Variants in ZC3H6 observed in about 807,000 individuals in gnomAD.
ZC3H6 encodes zinc finger CCCH domain-containing protein 6.
A neutral mutation model predicts 107.7 loss-of-function variants in ZC3H6; 40 were observed. The ratio of observed to expected loss-of-function variants is 0.37; its 90% CI spans 0.29 to 0.48. The LOEUF (loss-of-function observed/expected upper bound fraction) is 0.48, where lower values mean the gene tolerates loss of function less well. ZC3H6 is among the 20% of genes least tolerant of loss of function. The probability of loss-of-function intolerance (pLI) is 0.98; values close to 1 mark genes in which losing one functional copy is unlikely to be tolerated. For missense variants in ZC3H6, 1,267 were observed against 1,410.4 expected, an observed-to-expected ratio of 0.90 and a Z score of 1.63; for synonymous variants, 493 against 487.9, an observed-to-expected ratio of 1.01 and a Z score of -0.14.
intron 1 of ZC3H6, among the ~76,000 whole-genome samples, chr2:112,276,948 T>C (rs999185940): frequency 6.6e-6 from 1 of 152,212 alleles, no homozygotes; most frequent in Non-Finnish European, 1.5e-5. Context: ...ATTACTCCTT[T>C]GTGAATAGAA....
rs1422397099 is a variant in ZC3H6, at chr2:112,332,219, C to G, written c.3301C>G (p.Pro1101Ala). The G allele has an allele frequency of 6.2e-7, 1 of 1,613,984 alleles. No homozygotes were observed. The highest frequency in any genetic ancestry group is 2.2e-5 in the East Asian group (1 of 44,880). Residue 1101 changes from proline (P) to alanine (A), a missense_variant, in exon 12 of 12, where the codon CCA becomes GCA. This residue lies in a region of ZC3H6 where 925 missense variants were observed against 1,025.7 expected (regional missense o/e 0.90). Transcript: ENST00000409871. ...AGCCATCCTTCCACAAAAACCCAGT[C>G]CAAACGTGGGAGTCACTCTTGAGGG... is the stretch of plus-strand genomic sequence containing the variant. ...GEAILPQKPSPNVGVTLEGPA... is the reference protein window; with the variant it reads ...GEAILPQKPSANVGVTLEGPA...
rs768325318 is a variant in ZC3H6 at position 112,322,743 on chromosome 2, C to T, written c.1181C>T (p.Pro394Leu). 1 of 1,613,706 alleles carries T rather than the reference C, an allele frequency of 6.2e-7. No homozygotes were observed. The highest frequency in any genetic ancestry group is 1.3e-5 in the African/African-American group (1 of 74,920). The stretch of plus-strand genomic sequence containing the variant: ...ATAACTCCTCTTCCCAAACCACCTC[C>T]AGGGGTTGGGCTTCTGCCAACCCCT... ...RGITPLPKPPPGVGLLPTPPE... is the reference protein window; with the variant it reads ...RGITPLPKPPLGVGLLPTPPE... The change falls in exon 9 of 12, where the codon CCA becomes CTA. Residue 394 changes from proline to leucine, a missense_variant. By Grantham distance (98) the Pro-to-Leu change is moderately conservative. Coordinates refer to ENST00000409871, the MANE Select transcript of ZC3H6 (RefSeq NM_198581.3).
intron 7 of ZC3H6, among the ~76,000 whole-genome samples, chr2:112,320,096 C>G (rs1676773622): frequency 6.6e-6 from 1 of 152,090 alleles, no homozygotes. Context: ...CCACGCCTGG[C>G]TAATTTTTGT....
At position 112,329,190 on chromosome 2, in the gene ZC3H6, A is replaced by T. The variant is rs189572861; in HGVS notation, c.2087-1815A>T. 2.0e-5 allele frequency among the ~76,000 whole-genome samples: 3 copies of T among 152,156 alleles called. No individual in the cohort carries two copies. The East Asian group carries it at 5.8e-4, about 29-fold the overall frequency. On this transcript the variant is annotated intron_variant, in intron 11 of 11. Coordinates refer to ENST00000409871, the MANE Select transcript of ZC3H6 (RefSeq NM_198581.3). ...TCTGCTTTGATAAAAGCTGCTAATT[A>T]TCATTTTTTATCTAATATCTGTTTT...
rs1259630874 is a variant in ZC3H6 at position 112,321,817 on chromosome 2, A to G, written c.1038A>G (p.Lys346=). The G allele has an allele frequency of 1.3e-6, 2 of 1,548,776 alleles. No homozygotes were observed. Among genetic ancestry groups the G allele is most frequent in the Non-Finnish European group, 1.7e-6 (2 of 1,146,236 alleles). Residue 346 remains lysine (K), a synonymous_variant, in exon 8 of 12, where the codon AAA becomes AAG. Transcript: ENST00000409871. ...AATGTTACCAGGGAGACAACTGTAAATTTTCCCATGATGATCTAACTAAAG... is the reference window on the plus strand; with the variant it reads ...AATGTTACCAGGGAGACAACTGTAAGTTTTCCCATGATGATCTAACTAAAG... ...GAKCYQGDNC[K]FSHDDLTKET... is the part of the protein sequence containing the mutation.
At chr2:112,294,190 G>C (rs1370867220) in intron 1 of ZC3H6, among the ~76,000 whole-genome samples, 1 of 152,218 alleles carries the variant, frequency 6.6e-6, no homozygotes, top group Non-Finnish European at 1.5e-5. Context: ...GCCTATCGTT[G>C]GGCTTACGTA....
intron 7 of ZC3H6, among the ~76,000 whole-genome samples, chr2:112,317,892 G>C (rs965971411): frequency 3.9e-5 from 6 of 151,984 alleles, no homozygotes; most frequent in African/African-American, 1.5e-4. Flanking sequence ...TATCTGTCAG[G>C]TTGCTCACTA....
chr2:112,308,398 A>ATTTT (rs1272024339), intron 3 of ZC3H6, among the ~76,000 whole-genome samples: 19 of 138,386 alleles, frequency 1.4e-4, no homozygotes, highest in African/African-American at 4.1e-4. Context: ...GTAGTATTTT[A>ATTTT]TTTTATTTTA....
intron 7 of ZC3H6, among the ~76,000 whole-genome samples, chr2:112,320,204 AT>A (rs1405708328): frequency 6.6e-6 from 1 of 152,236 alleles, no homozygotes; most frequent in Non-Finnish European, 1.5e-5. Flanking sequence ...AAGTGCTGGG[AT>A]TATAGGCGTG....
intron 1 of ZC3H6, among the ~76,000 whole-genome samples, chr2:112,288,138 T>C (rs185006032): frequency 7.2e-5 from 11 of 152,304 alleles, no homozygotes; most frequent in African/African-American, 2.4e-4. Context: ...GAGTGTTGCA[T>C]AGAGATGGAA....
chr2:112,277,141 T>C (rs1282036315), intron 1 of ZC3H6, among the ~76,000 whole-genome samples: 1 of 152,162 alleles, frequency 6.6e-6, no homozygotes, highest in Non-Finnish European at 1.5e-5. Context: ...ATAAAAATGG[T>C]ATTTCAACAA....
intron 11 of ZC3H6, among the ~76,000 whole-genome samples, 192 bp downstream of exon 11, chr2:112,325,389 G>C (rs763261179): frequency 1.3e-5 from 2 of 152,112 alleles, no homozygotes; most frequent in Non-Finnish European, 2.9e-5. Context: ...AGCTACTCTG[G>C]AGCTTGAGGC....
chr2:112,309,956 A>G lies in ZC3H6; in HGVS notation c.408A>G (p.Glu136=). Reference sequence around the variant, plus strand: ...ATAACAAAAAATTTAAAAGTAAAGAATATGATGAGTACAGCACCTACAGTG... The same window carrying G: ...ATAACAAAAAATTTAAAAGTAAAGAGTATGATGAGTACAGCACCTACAGTG... ...GQHNKKFKSK[E]YDEYSTYSDD... is the part of the protein sequence containing the mutation. Residue 136 remains glutamate, a synonymous_variant, in exon 4 of 12, where the codon GAA becomes GAG. Coordinates refer to ENST00000409871, the MANE Select transcript of ZC3H6 (RefSeq NM_198581.3). 1 of 1,610,084 alleles carries G rather than the reference A, an allele frequency of 6.2e-7. No homozygotes were observed. Among genetic ancestry groups the G allele is most frequent in the Non-Finnish European group, 8.5e-7 (1 of 1,177,872 alleles).
At chr2:112,303,094 C>T in intron 2 of ZC3H6, 135 bp from the exon 3 acceptor site, 1 of 1,121,856 alleles carries the variant, frequency 8.9e-7, no homozygotes, top group Non-Finnish European at 1.2e-6. Flanking sequence ...AAGAATTTTT[C>T]AGTAGTACTT....
At position 112,339,877 on chromosome 2, in the gene ZC3H6, T is replaced by C. The variant is rs992573648; in HGVS notation, c.*7389T>C. 1.3e-5 allele frequency: 2 copies of C among 152,170 alleles called. No individual in the cohort carries two copies. Among genetic ancestry groups the C allele is most frequent in the Non-Finnish European group, 2.9e-5 (2 of 68,040 alleles). 9.4% of individuals were successfully genotyped at this position (152,170 alleles called of 1,614,324 possible). On this transcript the variant is annotated 3_prime_UTR_variant, in exon 12 of 12. Coordinates refer to ENST00000409871, the MANE Select transcript of ZC3H6 (RefSeq NM_198581.3). ...AAAAGACACCAGCAAGGGGGTATACTTTGCTGAACTGATAAATTATTCTAT... is the reference window on the plus strand; with the variant it reads ...AAAAGACACCAGCAAGGGGGTATACCTTGCTGAACTGATAAATTATTCTAT...
At position 112,321,833 on chromosome 2, in the gene ZC3H6, C is replaced by A; in HGVS notation, c.1054C>A (p.Leu352Ile). 6.5e-7 allele frequency: 1 copy of A among 1,533,306 alleles called. No homozygotes were observed. Among genetic ancestry groups the A allele is most frequent in the Non-Finnish European group, 8.8e-7 (1 of 1,137,252 alleles). The allele number at this position is 1,533,306 out of a possible 1,614,324, so 95.0% of individuals were successfully genotyped here. Reference protein sequence around the residue: ...GDNCKFSHDDLTKETKKLLDK... With the variant: ...GDNCKFSHDDITKETKKLLDK... Reference sequence around the variant, plus strand: ...CAACTGTAAATTTTCCCATGATGATCTAACTAAAGAAACAAAGAAACTTTT... The same window carrying A: ...CAACTGTAAATTTTCCCATGATGATATAACTAAAGAAACAAAGAAACTTTT... Residue 352 changes from leucine to isoleucine, a missense_variant, in exon 8 of 12, where the codon CTA (leucine) becomes ATA (isoleucine). Coordinates refer to ENST00000409871, the MANE Select transcript of ZC3H6 (RefSeq NM_198581.3).
chr2:112,311,156 C>A (rs1439735119), intron 4 of ZC3H6, among the ~76,000 whole-genome samples: 3 of 152,144 alleles, frequency 2.0e-5, no homozygotes, highest in Non-Finnish European at 2.9e-5. Flanking sequence ...TTGGCCAGGC[C>A]AAAGGCTTAC....
chr2:112,313,858 G>A (rs1573959644), intron 5 of ZC3H6, among the ~76,000 whole-genome samples: 2 of 152,010 alleles, frequency 1.3e-5, no homozygotes, highest in Admixed American at 6.6e-5. Flanking sequence ...AAATCAATTC[G>A]GGGTACCTTC....
intron 7 of ZC3H6, among the ~76,000 whole-genome samples, chr2:112,321,522 ATT>A (rs1335023001): frequency 6.6e-6 from 1 of 152,026 alleles, no homozygotes; most frequent in Non-Finnish European, 1.5e-5. Flanking sequence ...ATACAGCCTT[ATT>A]GATTCAGCAC....
Sources: gnomAD v4.1 joint callset for allele counts (sites outside exome capture counted in the v4.1 genomes callset) on GRCh38, gnomAD v4.1.1 for gene constraint, gnomAD v4.1.1 regional missense constraint, MANE v1.5 for transcripts, NCBI Gene and HGNC (gene_info 2026-07-23, HGNC 2026-07-21) for gene names.